The following CEP89 variants were observed in gnomAD, a reference collection of about 807,000 sequenced individuals.
The protein encoded by CEP89 is centrosomal protein of 89 kDa.
A neutral mutation model predicts 97.6 loss-of-function variants in CEP89; 95 were observed. The observed-to-expected ratio is 0.97, with a 90% confidence interval of 0.82 to 1.15. The LOEUF (loss-of-function observed/expected upper bound fraction) is 1.15, where lower values mean the gene tolerates loss of function less well. Ranked by LOEUF, CEP89 falls within the 50% of genes most tolerant of loss-of-function variation. The pLI is 0.00. For missense variants in CEP89, 869 were observed against 947.7 expected (o/e 0.92, Z 1.09); for synonymous variants, 354 against 349.1 (o/e 1.01, Z -0.16).
chr19:32,956,276 G>A (rs146133664), intron 3 of CEP89, among the ~76,000 whole-genome samples: 22 of 151,474 alleles, frequency 1.5e-4, no homozygotes, highest in South Asian at 2.1e-4. Flanking sequence ...GGATGGTCTC[G>A]ATCTGCTGAC....
At chr19:32,891,343 G>GCGCA (rs1555788235) in intron 16 of CEP89, among the ~76,000 whole-genome samples, 3 of 123,136 alleles carry the variant, frequency 2.4e-5, no homozygotes, top group Non-Finnish European at 6.0e-5. Flanking sequence ...GTTGCCCCAG[G>GCGCA]CACACACACA....
chr19:32,913,340 G>A (rs1970052926), intron 14 of CEP89, among the ~76,000 whole-genome samples: 2 of 138,150 alleles, frequency 1.4e-5, no homozygotes, highest in South Asian at 4.5e-4. Flanking sequence ...TGTTGTTGTT[G>A]TTTCACAATG....
intron 12 of CEP89, among the ~76,000 whole-genome samples, chr19:32,921,285 G>A (rs886745060): frequency 2.1e-4 from 32 of 152,190 alleles, no homozygotes; most frequent in African/African-American, 7.7e-4. Context: ...CGTGTACCGA[G>A]TGCTGCATGC....
intron 12 of CEP89, among the ~76,000 whole-genome samples, chr19:32,918,862 T>A (rs941646851): frequency 2.9e-5 from 4 of 137,300 alleles, no homozygotes; most frequent in African/African-American, 1.1e-4. Flanking sequence ...TGGTTTCTTT[T>A]TTCTTTTTTC....
chr19:32,971,519 T>A, intron 1 of CEP89: 1 of 541,400 alleles, frequency 1.8e-6, no homozygotes, highest in Non-Finnish European at 3.3e-6. Context: ...TAGCCGGGAG[T>A]AGTGGCGCGC....
At chr19:32,947,789 G>A (rs1970827035) in intron 5 of CEP89, among the ~76,000 whole-genome samples, 1 of 152,106 alleles carries the variant, frequency 6.6e-6, no homozygotes, top group Admixed American at 6.6e-5. Context: ...GATTACAGGA[G>A]CGAGCCACCA....
intron 2 of CEP89, chr19:32,965,926 G>A (rs1457959221): frequency 6.6e-6 from 1 of 151,200 alleles, no homozygotes; most frequent in Non-Finnish European, 1.5e-5. Context: ...GCTGAGGCAG[G>A]AGAATTGCTT....
At chr19:32,879,823 T>G (rs1599702428) in intron 18 of CEP89, among the ~76,000 whole-genome samples, 3 of 152,306 alleles carry the variant, frequency 2.0e-5, no homozygotes, top group African/African-American at 7.2e-5. Context: ...CCCTCCTGTG[T>G]CCCGTCTGCT....
intron 9 of CEP89, among the ~76,000 whole-genome samples, chr19:32,928,326 T>G (rs1970404335): frequency 6.6e-6 from 1 of 152,172 alleles, no homozygotes; most frequent in Admixed American, 6.6e-5. Flanking sequence ...GTTATCTTCC[T>G]TTAAAGAGTA....
At chr19:32,887,329 C>T (rs541474455) in intron 17 of CEP89, among the ~76,000 whole-genome samples, 3 of 151,768 alleles carry the variant, frequency 2.0e-5, no homozygotes, top group African/African-American at 7.2e-5. Flanking sequence ...TGGAGCCTCC[C>T]CCATCAGCCT....
chr19:32,892,771 C>G (rs977137563), intron 16 of CEP89, among the ~76,000 whole-genome samples: 2 of 150,864 alleles, frequency 1.3e-5, no homozygotes, highest in African/African-American at 4.9e-5. Flanking sequence ...TACAGATAAG[C>G]AAACACTGAG....
chr19:32,932,269 C>T (rs1339027563), intron 8 of CEP89, among the ~76,000 whole-genome samples: 3 of 151,224 alleles, frequency 2.0e-5, no homozygotes, highest in Non-Finnish European at 2.9e-5. Context: ...TAGCAATGTC[C>T]TATTAGAAAA....
intron 14 of CEP89, among the ~76,000 whole-genome samples, chr19:32,909,263 A>C (rs913151973): frequency 2.6e-5 from 4 of 152,222 alleles, no homozygotes; most frequent in Non-Finnish European, 4.4e-5. Context: ...GTATCTACAA[A>C]GGGAAGCCTT....
chr19:32,892,777 C>T (rs577542225), intron 16 of CEP89, among the ~76,000 whole-genome samples: 9 of 151,474 alleles, frequency 5.9e-5, no homozygotes, highest in African/African-American at 1.9e-4. Flanking sequence ...TAAGCAAACA[C>T]TGAGAGAATC....
intron 3 of CEP89, among the ~76,000 whole-genome samples, chr19:32,956,860 A>G (rs1599777221): frequency 1.3e-5 from 2 of 152,184 alleles, no homozygotes; most frequent in East Asian, 3.8e-4. Context: ...ATATCCCTGA[A>G]GAGGTGTGAT....
intron 9 of CEP89, among the ~76,000 whole-genome samples, chr19:32,929,979 T>C (rs1568565824): frequency 2.0e-5 from 3 of 151,502 alleles, no homozygotes; most frequent in Non-Finnish European, 2.9e-5. Context: ...CAGGGGAACA[T>C]AGGGAGTGAT....
chr19:32,971,907 G>A lies in CEP89; in HGVS notation c.-33C>T, dbSNP rs766244413. ...GCGCGAGGAGAATGGACCGGGGCCT[G>A]GACTCATCAGCAGATCTATCCACAG... On this transcript the variant is annotated 5_prime_UTR_variant, in exon 1 of 19. Coordinates refer to ENST00000305768, the MANE Select transcript of CEP89 (RefSeq NM_032816.5). 3.8e-6 allele frequency: 6 copies of A among 1,572,986 alleles called. No homozygotes were observed. The East Asian group carries it at 9.5e-5, about 25-fold the overall frequency.
chr19:32,944,220 T>TAAAAAAAAAAAAAAA lies in CEP89; in HGVS notation c.595+4031_595+4045dup, dbSNP rs750448528. On this transcript the variant is annotated intron_variant, in intron 5 of 18. Transcript: ENST00000305768. ...GCCTGGGCAACAGAGTGAGACCCTG[T>TAAAAAAAAAAAAAAA]AAAAAAAAAAAAAAAAAGACTCTTC... 3.4e-3 allele frequency among the ~76,000 whole-genome samples: 215 copies of TAAAAAAAAAAAAAAA among 62,386 alleles called. 23 individuals are homozygous for TAAAAAAAAAAAAAAA. The highest frequency in any genetic ancestry group is 0.01 in the African/African-American group (153 of 14,892). 40.9% of individuals were successfully genotyped at this position (62,386 alleles called of 152,430 possible).
intron 14 of CEP89, among the ~76,000 whole-genome samples, chr19:32,908,271 A>T (rs1969928912): frequency 6.6e-6 from 1 of 152,264 alleles, no homozygotes; most frequent in South Asian, 2.1e-4. Context: ...ATTTTAAAAT[A>T]ACAAAGATGC....
Sources: gnomAD v4.1 joint callset for allele counts (sites outside exome capture counted in the v4.1 genomes callset) on GRCh38, gnomAD v4.1.1 for gene constraint, MANE v1.5 for transcripts, NCBI Gene and HGNC (gene_info 2026-07-23, HGNC 2026-07-21) for gene names.